Variants in KSR2 observed in about 807,000 individuals in gnomAD.
The protein encoded by KSR2 is kinase suppressor of ras 2.
A neutral mutation model predicts 107.8 loss-of-function variants in KSR2; 25 were observed. The ratio of observed to expected loss-of-function variants is 0.23; its 90% CI spans 0.17 to 0.32. The LOEUF is 0.32. Among genes scored for constraint, KSR2 ranks in the 10% least tolerant of loss-of-function variants. The probability of loss-of-function intolerance (pLI) is 1.00; values close to 1 mark genes in which losing one functional copy is unlikely to be tolerated. For synonymous variants in KSR2, 480 were observed against 507.0 expected (o/e 0.95, Z 0.71); for missense variants, 887 against 1,268.9 (o/e 0.70, Z 4.57).
At chr12:117,807,984 G>A (rs1367033892) in intron 3 of KSR2, among the ~76,000 whole-genome samples, 2 of 152,210 alleles carry the variant, frequency 1.3e-5, no homozygotes, top group African/African-American at 2.4e-5. Context: ...GTAATAAATT[G>A]CACTCTGCCT....
chr12:117,502,669 T>C (rs1873450612), intron 14 of KSR2, among the ~76,000 whole-genome samples: 1 of 152,194 alleles, frequency 6.6e-6, no homozygotes, highest in South Asian at 2.1e-4. Context: ...TTAGGGTATA[T>C]ACATTATATA....
At chr12:117,613,271 GACCTAACAATTC>G (rs1881703231) in intron 5 of KSR2, among the ~76,000 whole-genome samples, 1 of 152,150 alleles carries the variant, frequency 6.6e-6, no homozygotes, top group Non-Finnish European at 1.5e-5. Context: ...CATACATTTT[GACCTAACAATTC>G]TACTTCTGTT....
At position 117,680,743 on chromosome 12, in the gene KSR2, T is replaced by A. The variant is rs188628588; in HGVS notation, c.987-13085A>T. On this transcript the variant is annotated intron_variant, in intron 4 of 19. Coordinates refer to ENST00000339824, the MANE Select transcript of KSR2 (RefSeq NM_173598.6). ...ATCAGGAGAGAGAGAACACCAACAT[T>A]TATTATAAAGTGAAAGTGGGAGGAG... Among the ~76,000 whole-genome samples the A allele has an allele frequency of 2.2e-3, 333 of 152,234 alleles. 1 individual carries two copies. The highest frequency in any genetic ancestry group is 7.8e-3 in the African/African-American group (326 of 41,556).
intron 4 of KSR2, among the ~76,000 whole-genome samples, chr12:117,714,339 A>G (rs1176247156): frequency 6.6e-6 from 1 of 152,268 alleles, no homozygotes; most frequent in South Asian, 2.1e-4. Context: ...AAGGCAAGAA[A>G]AAAGAGCAGA....
At chr12:117,749,133 A>G (rs1888522024) in intron 4 of KSR2, among the ~76,000 whole-genome samples, 1 of 143,938 alleles carries the variant, frequency 6.9e-6, no homozygotes, top group Non-Finnish European at 1.5e-5. Context: ...AAAAAAAAAA[A>G]AAAGCAAACG....
intron 3 of KSR2, among the ~76,000 whole-genome samples, chr12:117,764,719 G>A (rs373046630): frequency 1.3e-5 from 2 of 152,126 alleles, no homozygotes; most frequent in African/African-American, 2.4e-5. Context: ...CGCTGGAGTC[G>A]GATGACTTGG....
At chr12:117,757,239 G>A (rs376852195) in intron 4 of KSR2, among the ~76,000 whole-genome samples, 6 of 152,100 alleles carry the variant, frequency 3.9e-5, no homozygotes, top group Non-Finnish European at 8.8e-5. Context: ...CTGCAGATGC[G>A]GTGGAAACAG....
intron 9 of KSR2, among the ~76,000 whole-genome samples, chr12:117,541,001 C>A (rs777365845): frequency 6.6e-6 from 1 of 152,274 alleles, no homozygotes; most frequent in Non-Finnish European, 1.5e-5. Context: ...AATGCCCAAC[C>A]TTTCCATTCC....
At chr12:117,625,372 G>A (rs71319045) in intron 5 of KSR2, among the ~76,000 whole-genome samples, 3 of 152,212 alleles carry the variant, frequency 2.0e-5, no homozygotes, top group Non-Finnish European at 4.4e-5. Flanking sequence ...TTTGAGATAC[G>A]TCCCATCATT....
At chr12:117,702,416 G>C (rs886658479) in intron 4 of KSR2, among the ~76,000 whole-genome samples, 1 of 152,116 alleles carries the variant, frequency 6.6e-6, no homozygotes, top group Non-Finnish European at 1.5e-5. Flanking sequence ...CTAAATATTG[G>C]AATGACTGTT....
chr12:117,916,132 C>CTTTTTTT (rs199898514), intron 1 of KSR2, among the ~76,000 whole-genome samples: 11 of 125,702 alleles, frequency 8.8e-5, no homozygotes, highest in South Asian at 2.8e-4. Context: ...TTTATTTCTT[C>CTTTTTTT]TTCTTTTTTT....
At chr12:117,604,411 A>G (rs1349276010) in intron 5 of KSR2, among the ~76,000 whole-genome samples, 1 of 152,260 alleles carries the variant, frequency 6.6e-6, no homozygotes, top group Non-Finnish European at 1.5e-5. Context: ...GTTTGGGTAC[A>G]TAAGAATTGA....
chr12:117,768,270 A>G (rs1400901189), intron 3 of KSR2, among the ~76,000 whole-genome samples: 1 of 152,140 alleles, frequency 6.6e-6, no homozygotes, highest in Non-Finnish European at 1.5e-5. Flanking sequence ...TGCCCACAAC[A>G]TTGCTGCTGA....
At chr12:117,486,753 T>C (rs1034112649) in intron 14 of KSR2, among the ~76,000 whole-genome samples, 3 of 152,210 alleles carry the variant, frequency 2.0e-5, no homozygotes, top group African/African-American at 7.2e-5. Context: ...GCTCCTTACT[T>C]ACTGTATGTC....
intron 5 of KSR2, among the ~76,000 whole-genome samples, chr12:117,606,731 C>T (rs1160879266): frequency 6.8e-6 from 1 of 146,886 alleles, no homozygotes; most frequent in Admixed American, 6.8e-5. Flanking sequence ...TTCCCTTCTT[C>T]CTTCTTTCCT....
chr12:117,564,619 G>A (rs944803941), intron 7 of KSR2, among the ~76,000 whole-genome samples: 3 of 152,190 alleles, frequency 2.0e-5, no homozygotes, highest in African/African-American at 7.2e-5. Context: ...GGGAGTTGCT[G>A]GCTAAATGAG....
intron 4 of KSR2, among the ~76,000 whole-genome samples, chr12:117,711,043 C>G (rs1051188238): frequency 6.6e-6 from 1 of 152,212 alleles, no homozygotes; most frequent in Non-Finnish European, 1.5e-5. Context: ...GTCAGATCCT[C>G]TCCCTATCTT....
At chr12:117,744,635 C>T (rs1888338432) in intron 4 of KSR2, among the ~76,000 whole-genome samples, 1 of 152,192 alleles carries the variant, frequency 6.6e-6, no homozygotes, top group African/African-American at 2.4e-5. Flanking sequence ...CCACTGACAG[C>T]TGCCCTGCAT....
At chr12:117,517,221 C>G (rs186700261) in intron 14 of KSR2, among the ~76,000 whole-genome samples, 1 of 152,192 alleles carries the variant, frequency 6.6e-6, no homozygotes, top group African/African-American at 2.4e-5. Context: ...CGTTAAACCA[C>G]GTCATGTTTT....
Sources: allele counts gnomAD v4.1 joint callset (sites outside exome capture counted in the v4.1 genomes callset), GRCh38; gene constraint gnomAD v4.1.1; transcripts MANE v1.5; gene names NCBI Gene and HGNC (gene_info 2026-07-23, HGNC 2026-07-21).